Variants in LRIF1 observed in about 807,000 individuals in gnomAD.
The protein encoded by LRIF1 is ligand-dependent nuclear receptor-interacting factor 1.
In LRIF1, 32 loss-of-function variants were observed where a neutral mutation model predicts 52.7. That is an observed-to-expected ratio of 0.61 (90% CI 0.46 to 0.82). The LOEUF is 0.82. Ranked by LOEUF, LRIF1 falls within the 40% of genes least tolerant of loss-of-function variation. The pLI is 0.00. For synonymous variants in LRIF1, 323 were observed against 317.4 expected (o/e 1.02, Z -0.19); for missense variants, 887 against 892.0 (o/e 0.99, Z 0.07).
the LRIF1 span, among the ~76,000 whole-genome samples, chr1:110,897,257 C>A: frequency 1.3e-5 from 2 of 152,156 alleles, no homozygotes; most frequent in African/African-American, 4.8e-5. Context: ...TGAGAAGAAG[C>A]CACAACTATC....
chr1:110,910,030 A>G, the LRIF1 span, among the ~76,000 whole-genome samples: 7 of 152,306 alleles, frequency 4.6e-5, no homozygotes, highest in Non-Finnish European at 1.0e-4. Flanking sequence ...TAGATTCATT[A>G]AGCACGCTCT....
chr1:110,946,651 C>CTT (rs1197301792), downstream of LRIF1, among the ~76,000 whole-genome samples: 895 of 80,808 alleles, frequency 0.011, 6 homozygotes, highest in African/African-American at 0.016. Flanking sequence ...AGATTTGATC[C>CTT]TTTTTTTTTT....
chr1:110,951,378 A>C lies in LRIF1; in HGVS notation c.1506T>G (p.Ser502Arg). Residue 502 changes from serine to arginine, a missense_variant, in exon 2 of 4, where the codon AGT becomes AGG. Coordinates refer to ENST00000369763, the MANE Select transcript of LRIF1 (RefSeq NM_018372.4). ...TTATTTTCTCTATGCTCTGGAGGACACTTCCTTTTCTAGCATAAATGACGG... is the reference window on the plus strand; with the variant it reads ...TTATTTTCTCTATGCTCTGGAGGACCCTTCCTTTTCTAGCATAAATGACGG... ...VTAVIYARKG[S>R]VLQSIEKISS... 1 of 1,614,128 alleles carries C rather than the reference A, an allele frequency of 6.2e-7. No homozygotes were observed. The highest frequency in any genetic ancestry group is 8.5e-7 in the Non-Finnish European group (1 of 1,179,984).
the LRIF1 span, among the ~76,000 whole-genome samples, chr1:110,917,198 T>C: frequency 9.9e-5 from 15 of 152,202 alleles, no homozygotes; most frequent in Admixed American, 2.0e-4. Context: ...TTATCCATTA[T>C]TGGAGCAGTG....
chr1:110,887,523 A>G, the LRIF1 span, among the ~76,000 whole-genome samples: 1 of 152,128 alleles, frequency 6.6e-6, no homozygotes, highest in Admixed American at 6.5e-5. Context: ...TTGGGTGCTA[A>G]ATATTTGGCA....
Position 110,963,750 on chromosome 1 carries a change from C to T in LRIF1, c.-62G>A. On this transcript the variant is annotated 5_prime_UTR_variant, in exon 1 of 4. Coordinates refer to ENST00000369763, the MANE Select transcript of LRIF1 (RefSeq NM_018372.4). Reference sequence around the variant, plus strand: ...GTGGGAAGCGTGGGGCCGAGTTTCCCAATGGGGCGAGAACCAGAGCGAGGG... The same window carrying T: ...GTGGGAAGCGTGGGGCCGAGTTTCCTAATGGGGCGAGAACCAGAGCGAGGG... 1.5e-6 allele frequency: 2 copies of T among 1,348,212 alleles called. No individual in the cohort carries two copies. Among genetic ancestry groups the T allele is most frequent in the Non-Finnish European group, 2.1e-6 (2 of 958,826 alleles). The allele number at this position is 1,348,212 out of a possible 1,614,324, so 83.5% of individuals were successfully genotyped here.
chr1:110,962,279 C>T lies in LRIF1; in HGVS notation c.68+1342G>A, dbSNP rs368297051. ...ACACAGGGCACTCTCTGCCCCTTCC[C>T]CCAAACTTCCACCACAAAATTAAAA... On this transcript the variant is annotated intron_variant, in intron 1 of 3. Coordinates refer to ENST00000369763, the MANE Select transcript of LRIF1 (RefSeq NM_018372.4). Among the ~76,000 whole-genome samples the T allele has an allele frequency of 3.7e-4, 56 of 151,968 alleles. No individual in the cohort carries two copies. The East Asian group carries it at 9.4e-3, about 26-fold the overall frequency.
intron 1 of LRIF1, chr1:110,963,319 T>A (rs1370249001): frequency 4.4e-6 from 1 of 224,992 alleles, no homozygotes; most frequent in South Asian, 1.0e-4. Context: ...TTGAGTCACA[T>A]AAGAGCGTCG....
the LRIF1 span, chr1:110,894,213 G>A: frequency 4.9e-6 from 4 of 821,792 alleles, no homozygotes; most frequent in Admixed American, 6.1e-5. Context: ...GCCTGAGGAG[G>A]CAGAACAGGA....
intron 1 of LRIF1, among the ~76,000 whole-genome samples, chr1:110,957,900 C>A (rs1658772869): frequency 6.6e-6 from 1 of 152,178 alleles, no homozygotes. Context: ...TAACCCATTT[C>A]ATCCATCTTT....
At chr1:110,897,175 G>A in the LRIF1 span, among the ~76,000 whole-genome samples, 96 of 152,338 alleles carry the variant, frequency 6.3e-4, 1 homozygote, top group Non-Finnish European at 1.2e-3. Flanking sequence ...GGAGTAAGGA[G>A]TTGAGGGAGA....
At chr1:110,960,791 C>T (rs1361745947) in intron 1 of LRIF1, among the ~76,000 whole-genome samples, 1 of 152,192 alleles carries the variant, frequency 6.6e-6, no homozygotes, top group African/African-American at 2.4e-5. Flanking sequence ...CCAACCCCTA[C>T]TGTACTGTAC....
In LRIF1 at chr1:110,954,996, G is replaced by A. The variant is rs145978426; in HGVS notation, c.69-2181C>T. Among the ~76,000 whole-genome samples, 178 of 152,136 alleles carry A rather than the reference G, an allele frequency of 1.2e-3. 1 individual carries two copies. In the Middle Eastern group the frequency reaches 0.024, roughly 20 times the overall value. On this transcript the variant is annotated intron_variant, in intron 1 of 3. Transcript: ENST00000369763. ...TAACTTCAATTAAATTATCACTTAC[G>A]CATGAACAATTTCAATATTTCTATC...
the LRIF1 span, among the ~76,000 whole-genome samples, chr1:110,935,370 G>A: frequency 8.5e-5 from 13 of 152,236 alleles, no homozygotes; most frequent in South Asian, 8.3e-4. Context: ...CTGAAGAAAC[G>A]GAGATATATG....
the LRIF1 span, chr1:110,892,306 A>T: frequency 6.6e-7 from 1 of 1,519,216 alleles, no homozygotes; most frequent in Non-Finnish European, 9.1e-7. Context: ...CCCAAGAACC[A>T]CATTTTGCTT....
At chr1:110,894,367 C>A in the LRIF1 span, 43 of 1,614,008 alleles carry the variant, frequency 2.7e-5, no homozygotes, top group African/African-American at 5.3e-4. Context: ...GCTGAGGTGA[C>A]CTTGGCCATC....
At chr1:110,902,228 G>A in the LRIF1 span, among the ~76,000 whole-genome samples, 1 of 152,128 alleles carries the variant, frequency 6.6e-6, no homozygotes, top group Non-Finnish European at 1.5e-5. Context: ...ATAAAGTCTA[G>A]ATTTTTTATT....
the LRIF1 span, among the ~76,000 whole-genome samples, chr1:110,922,212 A>T: frequency 1.3e-5 from 2 of 152,342 alleles, no homozygotes; most frequent in Admixed American, 1.3e-4. Flanking sequence ...GAGAGGTAGT[A>T]CCTTTAAGAG....
In LRIF1 at chr1:110,951,335, T is replaced by C. The variant is rs1048187216; in HGVS notation, c.1549A>G (p.Thr517Ala). The C allele has an allele frequency of 1.2e-6, 2 of 1,614,106 alleles. No individual in the cohort carries two copies. Among genetic ancestry groups the C allele is most frequent in the East Asian group, 2.2e-5 (1 of 44,872 alleles). ...IEKISSSVDA[T>A]TVTSQQCVFR... Reference sequence around the variant, plus strand: ...ACACACTGTTGTGAAGTAACAGTTGTTGCATCAACAGAGGAACTTATTTTC... The same window carrying C: ...ACACACTGTTGTGAAGTAACAGTTGCTGCATCAACAGAGGAACTTATTTTC... Residue 517 changes from threonine to alanine, a missense_variant, in exon 2 of 4, where the codon ACA becomes GCA. Physicochemically the swap from Thr to Ala is moderately conservative, Grantham distance 58 (BLOSUM62 0). Transcript: ENST00000369763.
Sources: allele counts gnomAD v4.1 joint callset (sites outside exome capture counted in the v4.1 genomes callset), GRCh38; gene constraint gnomAD v4.1.1; transcripts MANE v1.5; gene names NCBI Gene and HGNC (gene_info 2026-07-23, HGNC 2026-07-21).